The following NELL1 variants were observed in gnomAD, a reference collection of about 807,000 sequenced individuals.
The protein encoded by NELL1 is neural EGFL like 1, also known as protein kinase C-binding protein NELL1.
NELL1 carries 76 observed loss-of-function variants against 107.4 expected under a neutral mutation model. The observed-to-expected ratio is 0.71, with a 90% CI of 0.59 to 0.86. The LOEUF (loss-of-function observed/expected upper bound fraction) is 0.86. Among genes scored for constraint, NELL1 ranks in the 40% least tolerant of loss-of-function variants. The probability of loss-of-function intolerance (pLI) is 0.00; values close to 1 mark genes in which losing one functional copy is unlikely to be tolerated. For synonymous variants in NELL1, 353 were observed against 341.2 expected (o/e 1.03, Z -0.38); for missense variants, 1,024 against 1,005.5 (o/e 1.02, Z -0.25).
intron 3 of NELL1, among the ~76,000 whole-genome samples, chr11:20,796,807 G>C (rs1380964892): frequency 2.0e-5 from 3 of 152,130 alleles, no homozygotes; most frequent in African/African-American, 7.2e-5. Context: ...TGCCCTGATA[G>C]GAGGAATACA....
intron 2 of NELL1, among the ~76,000 whole-genome samples, chr11:20,715,542 T>C (rs1164075239): frequency 6.6e-6 from 1 of 152,182 alleles, no homozygotes; most frequent in Non-Finnish European, 1.5e-5. Context: ...ACCTTATGCA[T>C]GTTTCCCCTA....
intron 2 of NELL1, among the ~76,000 whole-genome samples, chr11:20,704,961 T>C (rs141536273): frequency 2.0e-5 from 3 of 152,238 alleles, no homozygotes; most frequent in South Asian, 2.1e-4. Context: ...ACAAGGGATG[T>C]GAAGGACCGC....
At chr11:21,394,790 C>A (rs949435755) in intron 15 of NELL1, among the ~76,000 whole-genome samples, 1 of 151,430 alleles carries the variant, frequency 6.6e-6, no homozygotes, top group Non-Finnish European at 1.5e-5. Context: ...TTAACATCTT[C>A]AAGAGTTAAC....
At chr11:21,407,298 C>G (rs1852260142) in intron 15 of NELL1, among the ~76,000 whole-genome samples, 1 of 151,976 alleles carries the variant, frequency 6.6e-6, no homozygotes, top group African/African-American at 2.4e-5. Flanking sequence ...TGCCTGTAGT[C>G]CTAACTACTC....
chr11:21,112,235 A>G (rs929758015), intron 12 of NELL1, among the ~76,000 whole-genome samples: 1 of 151,962 alleles, frequency 6.6e-6, no homozygotes, highest in Non-Finnish European at 1.5e-5. Flanking sequence ...CCTCGCAATA[A>G]CTTTTATTTA....
chr11:20,775,399 A>G (rs900275969), intron 2 of NELL1, among the ~76,000 whole-genome samples: 2 of 152,166 alleles, frequency 1.3e-5, no homozygotes, highest in Non-Finnish European at 2.9e-5. Context: ...TATATATCCT[A>G]ATTTACTTAG....
intron 14 of NELL1, among the ~76,000 whole-genome samples, chr11:21,246,875 A>G (rs1289763362): frequency 2.0e-5 from 3 of 152,320 alleles, no homozygotes; most frequent in Admixed American, 2.0e-4. Flanking sequence ...TTATAAAATC[A>G]TCAGCTCTTG....
chr11:20,773,221 T>G (rs1856675007), intron 2 of NELL1, among the ~76,000 whole-genome samples: 1 of 152,184 alleles, frequency 6.6e-6, no homozygotes. Context: ...AGGGTTCTTT[T>G]GGCATGGTGG....
At chr11:21,508,407 C>A (rs1448311875) in intron 15 of NELL1, among the ~76,000 whole-genome samples, 2 of 151,908 alleles carry the variant, frequency 1.3e-5, no homozygotes, top group Non-Finnish European at 2.9e-5. Flanking sequence ...AAAACTGATG[C>A]GCAGATAAGT....
At chr11:20,701,425 G>A (rs779700230) in intron 2 of NELL1, among the ~76,000 whole-genome samples, 1 of 152,106 alleles carries the variant, frequency 6.6e-6, no homozygotes, top group African/African-American at 2.4e-5. Context: ...TGTCAGTTGG[G>A]TAGACTGTAA....
chr11:21,178,442 T>A (rs1412418728), intron 13 of NELL1, among the ~76,000 whole-genome samples: 1 of 151,796 alleles, frequency 6.6e-6, no homozygotes, highest in Non-Finnish European at 1.5e-5. Context: ...TTTACAACAG[T>A]CATAATGAGA....
chr11:21,300,188 G>T (rs1346663348), intron 14 of NELL1, among the ~76,000 whole-genome samples: 1 of 152,046 alleles, frequency 6.6e-6, no homozygotes, highest in Non-Finnish European at 1.5e-5. Flanking sequence ...CTCTAAGATA[G>T]CATCTGAGGT....
intron 4 of NELL1, among the ~76,000 whole-genome samples, chr11:20,858,668 C>T (rs1381145838): frequency 6.6e-6 from 1 of 152,198 alleles, no homozygotes; most frequent in Admixed American, 6.5e-5. Flanking sequence ...AAAACCTAAT[C>T]TTATCCATAA....
intron 14 of NELL1, among the ~76,000 whole-genome samples, chr11:21,280,332 A>G (rs61886270): frequency 0.02 from 3,065 of 152,306 alleles, 44 homozygotes; most frequent in Non-Finnish European, 0.033. Context: ...CAATTTAACA[A>G]TTATCTGTGC....
At chr11:21,381,024 T>C (rs912544864) in intron 15 of NELL1, among the ~76,000 whole-genome samples, 1 of 152,024 alleles carries the variant, frequency 6.6e-6, no homozygotes, top group Non-Finnish European at 1.5e-5. Flanking sequence ...TATGAGGACA[T>C]GTATAAGTGT....
At chr11:21,403,401 A>G (rs1016329354) in intron 15 of NELL1, among the ~76,000 whole-genome samples, 1 of 151,624 alleles carries the variant, frequency 6.6e-6, no homozygotes. Context: ...AATAGTAACT[A>G]TTTTTCACAT....
intron 12 of NELL1, among the ~76,000 whole-genome samples, chr11:20,989,189 G>T (rs1272820133): frequency 6.6e-6 from 1 of 152,188 alleles, no homozygotes; most frequent in East Asian, 1.9e-4. Context: ...AGTTTCTGAA[G>T]AGGAAGAGTT....
intron 1 of NELL1, among the ~76,000 whole-genome samples, chr11:20,675,876 T>G (rs910447543): frequency 3.3e-5 from 5 of 152,010 alleles, no homozygotes; most frequent in African/African-American, 9.7e-5. Flanking sequence ...TCCTCCTAAT[T>G]AACTGGGACC....
chr11:21,260,908 A>G (rs954964653), intron 14 of NELL1, among the ~76,000 whole-genome samples: 3 of 151,908 alleles, frequency 2.0e-5, no homozygotes, highest in African/African-American at 7.2e-5. Context: ...TTTAGAAGAC[A>G]TATTAATACT....
Sources: gnomAD v4.1 joint callset for allele counts (sites outside exome capture counted in the v4.1 genomes callset) on GRCh38, gnomAD v4.1.1 for gene constraint, MANE v1.5 for transcripts, NCBI Gene and HGNC (gene_info 2026-07-23, HGNC 2026-07-21) for gene names.